WWOX: variants seen among roughly 807,000 people sequenced by gnomAD.
The protein encoded by WWOX is WW domain-containing oxidoreductase.
Under a neutral mutation model 46.2 loss-of-function variants are expected in WWOX, and 69 were observed. The observed-to-expected ratio is 1.49, with a 90% CI of 1.23 to 1.82. The LOEUF (loss-of-function observed/expected upper bound fraction) is 1.82. Ranked by LOEUF, WWOX falls within the 40% of genes most tolerant of loss-of-function variation. WWOX has a pLI of 0.00. For synonymous variants in WWOX, 359 were observed against 202.6 expected (o/e 1.77, Z -6.56); for missense variants, 919 against 542.6 (o/e 1.69, Z -6.89).
intron 8 of WWOX, chr16:78,526,536 A>G (rs1015363459): frequency 6.6e-6 from 1 of 152,222 alleles, no homozygotes; most frequent in Non-Finnish European, 1.5e-5. Context: ...TCCCTTTTCC[A>G]TGGGCCCAAC....
At chr16:78,890,553 C>A (rs2044567863) in intron 8 of WWOX, 1 of 152,180 alleles carries the variant, frequency 6.6e-6, no homozygotes, top group South Asian at 2.1e-4. Context: ...TTCCTGCCAC[C>A]TTGGCAACCT....
At chr16:79,123,352 C>T (rs184227119) in intron 8 of WWOX, among the ~76,000 whole-genome samples, 90 of 152,282 alleles carry the variant, frequency 5.9e-4, no homozygotes, top group Admixed American at 3.9e-3. Context: ...CACATCTTGG[C>T]ATCTTACCTA....
chr16:78,894,065 G>T (rs1202109428), intron 8 of WWOX, among the ~76,000 whole-genome samples: 2 of 46,856 alleles, frequency 4.3e-5, no homozygotes, highest in Non-Finnish European at 6.8e-5. Context: ...TTGAGACAGG[G>T]TCTTGCTTTC....
At chr16:78,565,278 G>A (rs1337319957) in intron 8 of WWOX, among the ~76,000 whole-genome samples, 1 of 152,218 alleles carries the variant, frequency 6.6e-6, no homozygotes, top group African/African-American at 2.4e-5. Flanking sequence ...TCATGTTGCA[G>A]TTCTGGGGAG....
intron 8 of WWOX, among the ~76,000 whole-genome samples, chr16:78,919,725 C>G (rs756404050): frequency 6.6e-6 from 1 of 151,904 alleles, no homozygotes; most frequent in Non-Finnish European, 1.5e-5. Context: ...CCATATTGGC[C>G]CAGCTGGTCT....
At chr16:78,777,546 G>C (rs745645033) in intron 8 of WWOX, among the ~76,000 whole-genome samples, 2 of 152,144 alleles carry the variant, frequency 1.3e-5, no homozygotes, top group African/African-American at 4.8e-5. Context: ...TGAGTGGTCA[G>C]CTGTTTACAC....
intron 8 of WWOX, among the ~76,000 whole-genome samples, chr16:78,531,280 C>T (rs572423458): frequency 1.7e-4 from 26 of 152,174 alleles, no homozygotes; most frequent in South Asian, 6.2e-4. Context: ...TTCCATTCTC[C>T]GAGATGGATG....
chr16:79,081,600 A>G (rs573029497), intron 8 of WWOX, among the ~76,000 whole-genome samples: 1 of 152,246 alleles, frequency 6.6e-6, no homozygotes, highest in Admixed American at 6.5e-5. Flanking sequence ...ACTCTCTTTG[A>G]GCCTTCGCTT....
chr16:79,058,784 C>T (rs564488717), intron 8 of WWOX, among the ~76,000 whole-genome samples: 1 of 152,186 alleles, frequency 6.6e-6, no homozygotes, highest in South Asian at 2.1e-4. Flanking sequence ...TTATTCTATA[C>T]TAACAAAGGG....
chr16:78,786,485 A>G (rs1395943218), intron 8 of WWOX, among the ~76,000 whole-genome samples: 1 of 152,204 alleles, frequency 6.6e-6, no homozygotes. Context: ...TTGAGTACTT[A>G]GTACTTTTTA....
intron 8 of WWOX, among the ~76,000 whole-genome samples, chr16:79,055,991 G>A (rs2048254811): frequency 6.6e-6 from 1 of 152,028 alleles, no homozygotes. Flanking sequence ...CTGATCTGTT[G>A]CCTAATCTTC....
chr16:78,344,118 G>A (rs1489803161), intron 5 of WWOX, among the ~76,000 whole-genome samples: 1 of 115,018 alleles, frequency 8.7e-6, no homozygotes, highest in African/African-American at 3.0e-5. Context: ...TAAGGGCAGA[G>A]GGTGAAGGTG....
intron 8 of WWOX, among the ~76,000 whole-genome samples, chr16:78,819,378 G>C (rs967342186): frequency 9.2e-5 from 14 of 152,300 alleles, no homozygotes; most frequent in African/African-American, 3.1e-4. Context: ...GTGTCCGCCA[G>C]TGTGTCATGT....
At chr16:78,543,280 C>T (rs1311183081) in intron 8 of WWOX, among the ~76,000 whole-genome samples, 6 of 152,204 alleles carry the variant, frequency 3.9e-5, no homozygotes, top group African/African-American at 1.4e-4. Flanking sequence ...CTCTTGGCTG[C>T]CTACTGGCTA....
At chr16:79,095,490 G>A (rs2049049502) in intron 8 of WWOX, among the ~76,000 whole-genome samples, 1 of 152,154 alleles carries the variant, frequency 6.6e-6, no homozygotes, top group African/African-American at 2.4e-5. Flanking sequence ...TCTGGTTTCT[G>A]CCCTGGTCCA....
chr16:78,130,993 C>G (rs974450724), intron 4 of WWOX, among the ~76,000 whole-genome samples: 2 of 152,196 alleles, frequency 1.3e-5, no homozygotes, highest in African/African-American at 4.8e-5. Context: ...TGCTTCCAGG[C>G]TGCAAACTTG....
At chr16:78,684,436 T>C (rs2047808162) in intron 8 of WWOX, among the ~76,000 whole-genome samples, 1 of 152,198 alleles carries the variant, frequency 6.6e-6, no homozygotes, top group East Asian at 1.9e-4. Flanking sequence ...TGAGTTGGAA[T>C]GACAGCTGTG....
chr16:79,063,244 T>A (rs1247219535), intron 8 of WWOX, among the ~76,000 whole-genome samples: 1 of 152,174 alleles, frequency 6.6e-6, no homozygotes, highest in Non-Finnish European at 1.5e-5. Context: ...AAAAGCAACA[T>A]TCGTGTTTTA....
At chr16:78,412,508 T>G (rs2082705404) in intron 6 of WWOX, among the ~76,000 whole-genome samples, 1 of 151,904 alleles carries the variant, frequency 6.6e-6, no homozygotes, top group South Asian at 2.1e-4. Context: ...AGAGATGGAA[T>G]GAAAAGAGAT....
Sources: gnomAD v4.1 joint callset for allele counts (sites outside exome capture counted in the v4.1 genomes callset) on GRCh38, gnomAD v4.1.1 for gene constraint, MANE v1.5 for transcripts, NCBI Gene and HGNC (gene_info 2026-07-23, HGNC 2026-07-21) for gene names.